Variants in EML6 observed in about 807,000 individuals in gnomAD.
EML6 encodes echinoderm microtubule-associated protein-like 6.
EML6 carries 154 observed loss-of-function variants against 240.1 expected under a neutral mutation model. That is an observed-to-expected ratio of 0.64 (90% CI 0.56 to 0.73). The LOEUF (loss-of-function observed/expected upper bound fraction) is 0.73. EML6 is among the 30% of genes least tolerant of loss of function. EML6 has a pLI of 0.00. For missense variants in EML6, 2,964 were observed against 2,474.6 expected (o/e 1.20, Z -4.20); for synonymous variants, 1,148 against 899.0 (o/e 1.28, Z -4.95).
intron 28 of EML6, among the ~76,000 whole-genome samples, chr2:54,936,023 C>G (rs1272306086): frequency 1.3e-5 from 2 of 152,214 alleles, no homozygotes; most frequent in South Asian, 2.1e-4. Flanking sequence ...GAGCGAGACC[C>G]TGTCCGTGAA....
intron 17 of EML6, among the ~76,000 whole-genome samples, chr2:54,886,396 ACCT>A (rs1465023565): frequency 2.6e-5 from 4 of 151,364 alleles, no homozygotes; most frequent in Non-Finnish European, 5.9e-5. Context: ...CTAACTCCTG[ACCT>A]CCTCAGGTGA....
chr2:54,866,722 C>G (rs4671981), intron 13 of EML6, 44 bp from the exon 14 acceptor site: 101,267 of 1,133,106 alleles, frequency 0.089, 6,809 homozygotes, highest in East Asian at 0.27. Flanking sequence ...TTTTTGGAAC[C>G]TGATGAAAGG....
intron 9 of EML6, 38 bp downstream of exon 9, chr2:54,847,661 C>T: frequency 1.9e-6 from 3 of 1,546,830 alleles, no homozygotes; most frequent in Non-Finnish European, 2.6e-6. Context: ...TAGAAATGCT[C>T]TCGTGTTAAA....
At chr2:54,765,809 TAGTC>T (rs1463964766) in intron 2 of EML6, among the ~76,000 whole-genome samples, 1 of 151,258 alleles carries the variant, frequency 6.6e-6, no homozygotes, top group South Asian at 2.1e-4. Context: ...ACTTAATAAA[TAGTC>T]AATAAATACT....
rs1303818857 is a variant in EML6 at position 54,879,422 on chromosome 2, TATCAC to T, written c.2345-121_2345-117del. On this transcript the variant is annotated intron_variant, in intron 16 of 41. Coordinates refer to ENST00000356458, the MANE Select transcript of EML6 (RefSeq NM_001039753.4). ...CATTGTATAATCAAGTCAGGGCAGC[TATCAC>T]ATCCATCACCTCAAATATTTATCAG... 37 of 660,984 alleles carry T rather than the reference TATCAC, an allele frequency of 5.6e-5. No homozygotes were observed. The Admixed American group carries it at 9.0e-4, about 16-fold the overall frequency. 40.9% of individuals were successfully genotyped at this position (660,984 alleles called of 1,614,324 possible).
Position 54,850,109 on chromosome 2 carries a change from A to G in EML6, c.1335A>G (p.Gly445=), listed in dbSNP as rs1458396477. The G allele has an allele frequency of 1.9e-6, 3 of 1,551,952 alleles. No individual in the cohort carries two copies. Among genetic ancestry groups the G allele is most frequent in the Non-Finnish European group, 2.6e-6 (3 of 1,147,062 alleles). Reference sequence around the variant, plus strand: ...TTGCCCAGAGGTATAAGAAAATTGGAGAATGCAGCAAGTCCCTTAGTTTCA... The same window carrying G: ...TTGCCCAGAGGTATAAGAAAATTGGGGAATGCAGCAAGTCCCTTAGTTTCA... ...YAVAQRYKKI[G]ECSKSLSFIT... Residue 445 remains glycine (G), a synonymous_variant, in exon 10 of 42, where the codon GGA becomes GGG. Transcript: ENST00000356458.
chr2:54,926,949 G>A (rs1674580810), intron 26 of EML6, among the ~76,000 whole-genome samples: 1 of 152,130 alleles, frequency 6.6e-6, no homozygotes, highest in African/African-American at 2.4e-5. Flanking sequence ...TTTTACTTCT[G>A]TAAAGAAACA....
chr2:54,954,028 C>T lies in EML6; in HGVS notation c.4358C>T (p.Thr1453Ile), dbSNP rs1288994803. The T allele has an allele frequency of 1.3e-6, 2 of 1,551,912 alleles. No homozygotes were observed. Among genetic ancestry groups the T allele is most frequent in the Non-Finnish European group, 1.7e-6 (2 of 1,147,002 alleles). The change falls in exon 32 of 42, where the codon ACC becomes ATC. Residue 1453 changes from threonine (T) to isoleucine (I), a missense_variant. By Grantham distance (89) the Thr-to-Ile change is moderately conservative. Coordinates refer to ENST00000356458, the MANE Select transcript of EML6 (RefSeq NM_001039753.4). ...IHIWDAMTKH[T>I]LSMLRCFHSK... Reference sequence around the variant, plus strand: ...ATATGGGACGCCATGACCAAACACACCCTCTCCATGCTGCGGTGCTTCCAC... The same window carrying T: ...ATATGGGACGCCATGACCAAACACATCCTCTCCATGCTGCGGTGCTTCCAC...
At position 54,951,685 on chromosome 2, in the gene EML6, A is replaced by C. The variant is rs752335770; in HGVS notation, c.4213+906A>C. On this transcript the variant is annotated intron_variant, in intron 30 of 41. Coordinates refer to ENST00000356458, the MANE Select transcript of EML6 (RefSeq NM_001039753.4). ...TTTAAACAGGTTCACATTTTGCCTT[A>C]TTTGCTCATGCCTCAAGAAAAAAAA... Among the ~76,000 whole-genome samples the C allele has an allele frequency of 2.7e-5, 4 of 146,226 alleles. No homozygotes were observed. The South Asian group carries it at 9.0e-4, about 33-fold the overall frequency.
intron 8 of EML6, among the ~76,000 whole-genome samples, chr2:54,846,102 C>T (rs929879183): frequency 6.6e-6 from 1 of 152,128 alleles, no homozygotes; most frequent in African/African-American, 2.4e-5. Flanking sequence ...AATTGCCCCT[C>T]GTTTGCCACT....
At chr2:54,898,540 C>T (rs1672891115) in intron 21 of EML6, among the ~76,000 whole-genome samples, 1 of 152,136 alleles carries the variant, frequency 6.6e-6, no homozygotes. Context: ...TGTCTGTATC[C>T]TTCAGCCCTC....
At chr2:54,895,052 G>T (rs374121381) in intron 20 of EML6, 26 bp downstream of exon 20, 7 of 1,491,510 alleles carry the variant, frequency 4.7e-6, no homozygotes, top group African/African-American at 4.2e-5. Context: ...ATGTAATAGA[G>T]ATCTTTGTAT....
intron 14 of EML6, chr2:54,868,391 CTG>C (rs1010382071): frequency 3.3e-5 from 5 of 152,110 alleles, no homozygotes; most frequent in Non-Finnish European, 5.9e-5. Context: ...GTTGCAAGAT[CTG>C]TGCATTTATA....
In EML6 at chr2:54,800,164, G is replaced by A. The variant is rs182141124; in HGVS notation, c.198-13068G>A. Among the ~76,000 whole-genome samples the A allele has an allele frequency of 2.5e-3, 379 of 152,230 alleles. 3 individuals are homozygous for A. Among genetic ancestry groups the A allele is most frequent in the African/African-American group, 8.5e-3 (355 of 41,526 alleles). ...GGAGGCTGAGGCAGAAGAATCGCTT[G>A]AACCCAGGAGGTAGAGGTTGCAGTG... On this transcript the variant is annotated intron_variant, in intron 2 of 41. Transcript: ENST00000356458.
chr2:54,939,161 C>T (rs942515141), intron 28 of EML6, among the ~76,000 whole-genome samples: 2 of 152,238 alleles, frequency 1.3e-5, no homozygotes, highest in African/African-American at 4.8e-5. Flanking sequence ...ATCTTGTTGA[C>T]ACTTTGTCAT....
intron 2 of EML6, among the ~76,000 whole-genome samples, chr2:54,792,245 A>T (rs1669493750): frequency 6.6e-6 from 1 of 152,138 alleles, no homozygotes; most frequent in Non-Finnish European, 1.5e-5. Flanking sequence ...ATGGGTCTCG[A>T]TATATTTTGT....
intron 26 of EML6, among the ~76,000 whole-genome samples, chr2:54,927,434 CAG>C (rs1446977602): frequency 6.6e-6 from 1 of 152,226 alleles, no homozygotes; most frequent in Admixed American, 6.5e-5. Flanking sequence ...GTCACAACCT[CAG>C]AGAGTGCATG....
At chr2:54,845,943 T>C (rs1033740976) in intron 8 of EML6, among the ~76,000 whole-genome samples, 7 of 152,212 alleles carry the variant, frequency 4.6e-5, no homozygotes, top group African/African-American at 9.6e-5. Flanking sequence ...AAAGTACTAA[T>C]TGATGGAAGT....
intron 8 of EML6, among the ~76,000 whole-genome samples, chr2:54,846,385 G>A (rs1669754364): frequency 6.6e-6 from 1 of 151,400 alleles, no homozygotes; most frequent in Non-Finnish European, 1.5e-5. Flanking sequence ...ATACTGATAT[G>A]TAGATATATA....
Sources: allele counts gnomAD v4.1 joint callset (sites outside exome capture counted in the v4.1 genomes callset), GRCh38; gene constraint gnomAD v4.1.1; transcripts MANE v1.5; gene names NCBI Gene and HGNC (gene_info 2026-07-23, HGNC 2026-07-21).